The following PCCA variants were observed in gnomAD, a reference collection of about 807,000 sequenced individuals.
PCCA encodes propionyl-CoA carboxylase subunit alpha.
PCCA carries 74 observed loss-of-function variants against 101.3 expected under a neutral mutation model. The observed-to-expected ratio is 0.73, with a 90% CI of 0.61 to 0.89. The LOEUF (loss-of-function observed/expected upper bound fraction) is 0.89, where lower values mean the gene tolerates loss of function less well. Ranked by LOEUF, PCCA falls within the 40% of genes least tolerant of loss-of-function variation. PCCA has a pLI of 0.00. For missense variants in PCCA, 891 were observed against 907.0 expected (o/e 0.98, Z 0.23); for synonymous variants, 294 against 313.6 (o/e 0.94, Z 0.66).
At chr13:100,248,810 G>A (rs1308997421) in intron 8 of PCCA, among the ~76,000 whole-genome samples, 2 of 151,888 alleles carry the variant, frequency 1.3e-5, no homozygotes, top group Non-Finnish European at 2.9e-5. Flanking sequence ...GCAGTGGCGC[G>A]AGCTTGGCTC....
chr13:100,239,010 C>G (rs533274983), intron 8 of PCCA, among the ~76,000 whole-genome samples: 1 of 152,036 alleles, frequency 6.6e-6, no homozygotes, highest in Admixed American at 6.6e-5. Flanking sequence ...ATGTGATTTC[C>G]TCCTCTCTCA....
At chr13:100,525,408 A>T (rs2087710618) in intron 22 of PCCA, among the ~76,000 whole-genome samples, 1 of 152,206 alleles carries the variant, frequency 6.6e-6, no homozygotes, top group Non-Finnish European at 1.5e-5. Flanking sequence ...TTAGAAGCAC[A>T]GAGCCAGCCA....
intron 7 of PCCA, among the ~76,000 whole-genome samples, chr13:100,218,290 G>A (rs550521432): frequency 1.6e-4 from 24 of 151,666 alleles, no homozygotes; most frequent in Admixed American, 1.6e-3. Flanking sequence ...TCCTGCCTCA[G>A]TCTCCCAAGT....
chr13:100,205,902 TAA>T (rs1715068703), intron 6 of PCCA, among the ~76,000 whole-genome samples: 2 of 152,170 alleles, frequency 1.3e-5, no homozygotes, highest in South Asian at 4.1e-4. Context: ...AGGTTTTGGA[TAA>T]AGAGAAATGA....
At chr13:100,213,315 C>G (rs1323714372) in intron 7 of PCCA, among the ~76,000 whole-genome samples, 1 of 152,168 alleles carries the variant, frequency 6.6e-6, no homozygotes, top group East Asian at 1.9e-4. Flanking sequence ...AACCTCTATA[C>G]TGTTCTCCAC....
intron 4 of PCCA, among the ~76,000 whole-genome samples, chr13:100,123,906 G>C (rs959318966): frequency 6.6e-6 from 1 of 152,060 alleles, no homozygotes; most frequent in African/African-American, 2.4e-5. Context: ...AGATTTTTAG[G>C]TATCTCAGAG....
intron 22 of PCCA, among the ~76,000 whole-genome samples, chr13:100,520,057 C>T (rs1206623515): frequency 6.6e-6 from 1 of 152,246 alleles, no homozygotes; most frequent in Non-Finnish European, 1.5e-5. Context: ...TTGTATCTCA[C>T]AGCATGTACA....
intron 19 of PCCA, among the ~76,000 whole-genome samples, chr13:100,369,007 T>C (rs1288483700): frequency 2.0e-5 from 3 of 152,212 alleles, no homozygotes; most frequent in Non-Finnish European, 4.4e-5. Context: ...GGTGACACTC[T>C]TTTTGTTTTG....
intron 21 of PCCA, among the ~76,000 whole-genome samples, chr13:100,451,549 G>A (rs1274314958): frequency 6.6e-6 from 1 of 152,054 alleles, no homozygotes; most frequent in Non-Finnish European, 1.5e-5. Flanking sequence ...CTGCTACTTA[G>A]CATCTCTACT....
At chr13:100,414,006 G>A (rs1333297071) in intron 19 of PCCA, among the ~76,000 whole-genome samples, 1 of 152,198 alleles carries the variant, frequency 6.6e-6, no homozygotes, top group Non-Finnish European at 1.5e-5. Context: ...TGAAATTAAA[G>A]TTGTTACTGA....
At chr13:100,336,253 ACT>A (rs2152744790) in intron 17 of PCCA, among the ~76,000 whole-genome samples, 1 of 152,194 alleles carries the variant, frequency 6.6e-6, no homozygotes, top group Non-Finnish European at 1.5e-5. Context: ...CAAGAGCAAA[ACT>A]CTGTCTCAAG....
At chr13:100,182,190 C>G (rs1160063502) in intron 6 of PCCA, among the ~76,000 whole-genome samples, 6 of 140,566 alleles carry the variant, frequency 4.3e-5, no homozygotes, top group East Asian at 4.3e-4. Context: ...CTCCACCTCC[C>G]CGTTCAAGCG....
intron 21 of PCCA, among the ~76,000 whole-genome samples, chr13:100,502,174 A>G (rs1343006765): frequency 6.6e-6 from 1 of 152,202 alleles, no homozygotes; most frequent in East Asian, 1.9e-4. Flanking sequence ...TGTTTTACAC[A>G]TCAGTATCTT....
At chr13:100,247,265 G>T (rs7339029) in intron 8 of PCCA, among the ~76,000 whole-genome samples, 19,607 of 143,530 alleles carry the variant, frequency 0.14, 1,507 homozygotes, top group African/African-American at 0.2. Flanking sequence ...TCGCCCAGAC[G>T]GGAGTACAGT....
chr13:100,131,331 G>C (rs1227111840), intron 4 of PCCA, among the ~76,000 whole-genome samples: 1 of 152,110 alleles, frequency 6.6e-6, no homozygotes, highest in East Asian at 1.9e-4. Context: ...CACAGGAACT[G>C]TTCTGGCTTA....
At chr13:100,509,247 A>G (rs1207345847) in intron 21 of PCCA, among the ~76,000 whole-genome samples, 1 of 152,202 alleles carries the variant, frequency 6.6e-6, no homozygotes, top group African/African-American at 2.4e-5. Flanking sequence ...AACTGACCCT[A>G]TGCGTTTGTT....
chr13:100,516,878 G>A (rs776638732), intron 22 of PCCA, among the ~76,000 whole-genome samples: 6 of 152,030 alleles, frequency 3.9e-5, no homozygotes, highest in Non-Finnish European at 8.8e-5. Flanking sequence ...TATCAGAGCT[G>A]TCAGTGGAAT....
chr13:100,474,611 A>G (rs1367446111), intron 21 of PCCA, among the ~76,000 whole-genome samples: 2 of 151,986 alleles, frequency 1.3e-5, no homozygotes, highest in Admixed American at 6.6e-5. Flanking sequence ...TCAGCTTCCC[A>G]GGTAGCTGGG....
At chr13:100,488,420 C>T (rs534307709) in intron 21 of PCCA, among the ~76,000 whole-genome samples, 2 of 152,146 alleles carry the variant, frequency 1.3e-5, no homozygotes, top group African/African-American at 2.4e-5. Flanking sequence ...TTAAGAAACA[C>T]AGTAATCTTT....
Sources: allele counts gnomAD v4.1 joint callset (sites outside exome capture counted in the v4.1 genomes callset), GRCh38; gene constraint gnomAD v4.1.1; transcripts MANE v1.5; gene names NCBI Gene and HGNC (gene_info 2026-07-23, HGNC 2026-07-21).